Variants in PIGU observed in about 807,000 individuals in gnomAD.
PIGU encodes GPI-anchor transamidase component PIGU.
In PIGU, 24 loss-of-function variants were observed where a neutral mutation model predicts 49.9. The ratio of observed to expected loss-of-function variants is 0.48; its 90% confidence interval spans 0.35 to 0.68. The LOEUF (loss-of-function observed/expected upper bound fraction) is 0.68. Among genes scored for constraint, PIGU ranks in the 30% least tolerant of loss-of-function variants. The probability of loss-of-function intolerance (pLI) is 0.01; values close to 1 mark genes in which losing one functional copy is unlikely to be tolerated. For missense variants in PIGU, 490 were observed against 532.6 expected, an observed-to-expected ratio of 0.92 and a Z score of 0.79; for synonymous variants, 220 against 205.7, an observed-to-expected ratio of 1.07 and a Z score of -0.59.
At chr20:34,622,490 C>T (rs751969160) in intron 6 of PIGU, among the ~76,000 whole-genome samples, 2 of 151,848 alleles carry the variant, frequency 1.3e-5, no homozygotes, top group Non-Finnish European at 2.9e-5. Flanking sequence ...GCACTCCAGC[C>T]TGGGAGACAC....
At chr20:34,665,121 G>A (rs1431690858) in intron 1 of PIGU, among the ~76,000 whole-genome samples, 1 of 150,586 alleles carries the variant, frequency 6.6e-6, no homozygotes, top group Middle Eastern at 3.4e-3. Flanking sequence ...CACCTCCCGG[G>A]TTCAAGCAAT....
At chr20:34,607,882 C>T (rs1383046051) in intron 7 of PIGU, among the ~76,000 whole-genome samples, 3 of 152,164 alleles carry the variant, frequency 2.0e-5, no homozygotes, top group African/African-American at 7.2e-5. Flanking sequence ...TCCCTAAGTG[C>T]TGGGACTATA....
chr20:34,625,369 AAAAAAAAAAAAAAC>A (rs1985429858), intron 6 of PIGU, among the ~76,000 whole-genome samples: 1 of 114,862 alleles, frequency 8.7e-6, no homozygotes, highest in East Asian at 2.0e-4. Flanking sequence ...ACTCCATCTC[AAAAAAAAAAAAAAC>A]AAAAAAAAAA....
chr20:34,592,218 G>T (rs899161431), intron 7 of PIGU, among the ~76,000 whole-genome samples: 1 of 149,902 alleles, frequency 6.7e-6, no homozygotes, highest in Non-Finnish European at 1.5e-5. Flanking sequence ...ATTAAAGAAA[G>T]TTACTTTGGA....
At chr20:34,671,464 T>C (rs531709485) in intron 1 of PIGU, among the ~76,000 whole-genome samples, 29 of 152,094 alleles carry the variant, frequency 1.9e-4, no homozygotes, top group Admixed American at 9.8e-4. Context: ...GGTTTCTCCA[T>C]GTCGGTCAGG....
Position 34,672,978 on chromosome 20 carries a change from G to A in PIGU, c.130+3978C>T, listed in dbSNP as rs191280548. 5.3e-5 allele frequency among the ~76,000 whole-genome samples: 8 copies of A among 151,888 alleles called. No individual in the cohort carries two copies. The South Asian group carries it at 1.0e-3, about 20-fold the overall frequency. ...ATTCAAAAATTTAAAATGTCAGCCC[G>A]GCGTGGTGGCTCACGCCTGTCATCC... is the stretch of plus-strand genomic sequence containing the variant. On this transcript the variant is annotated intron_variant, in intron 1 of 11. Transcript: ENST00000217446.
intron 6 of PIGU, among the ~76,000 whole-genome samples, chr20:34,629,076 GC>G (rs975358234): frequency 5.9e-5 from 9 of 151,302 alleles, no homozygotes; most frequent in African/African-American, 2.2e-4. Flanking sequence ...GATTGCAGTG[GC>G]ACAGTCTCAG....
chr20:34,584,126 C>T (rs1568625950), intron 9 of PIGU, among the ~76,000 whole-genome samples: 1 of 152,176 alleles, frequency 6.6e-6, no homozygotes, highest in African/African-American at 2.4e-5. Flanking sequence ...AATCCCAGCT[C>T]CACTGCTTAC....
chr20:34,594,338 C>G (rs1236141124), intron 7 of PIGU, among the ~76,000 whole-genome samples: 2 of 152,154 alleles, frequency 1.3e-5, no homozygotes, highest in Non-Finnish European at 2.9e-5. Context: ...AATCTAAATT[C>G]CCACACACTG....
chr20:34,575,159 C>T lies in PIGU; in HGVS notation c.1139G>A (p.Gly380Glu). 6.2e-7 allele frequency: 1 copy of T among 1,614,150 alleles called. No individual in the cohort carries two copies. The highest frequency in any genetic ancestry group is 8.5e-7 in the Non-Finnish European group (1 of 1,180,012). ...PVLWHLWIYAGSANSNFFYAI... is the reference protein window; with the variant it reads ...PVLWHLWIYAESANSNFFYAI... ...ATAAAAGAAATTAGAGTTGGCACTT[C>T]CTGCATAAATCCAGAGGTGCCACAG... The change falls in exon 11 of 12, where the codon GGA becomes GAA. Residue 380 changes from glycine to glutamate, a missense_variant. Transcript: ENST00000217446.
chr20:34,607,597 T>C (rs1984664952), intron 7 of PIGU, among the ~76,000 whole-genome samples: 1 of 152,234 alleles, frequency 6.6e-6, no homozygotes, highest in South Asian at 2.1e-4. Flanking sequence ...AATTCATTTG[T>C]GCAACCTGAT....
chr20:34,668,013 A>C (rs1987156123), intron 1 of PIGU, among the ~76,000 whole-genome samples: 1 of 152,110 alleles, frequency 6.6e-6, no homozygotes. Flanking sequence ...AAAATCCATT[A>C]CCTCCGTCAA....
intron 11 of PIGU, chr20:34,562,632 G>A: frequency 8.3e-7 from 1 of 1,201,912 alleles, no homozygotes; most frequent in Non-Finnish European, 1.1e-6. Flanking sequence ...TTCAATGGTT[G>A]GCCTAAGGCT....
intron 1 of PIGU, among the ~76,000 whole-genome samples, chr20:34,662,396 C>CTT (rs34871084): frequency 0.37 from 49,009 of 131,058 alleles, 9,733 homozygotes; most frequent in Admixed American, 0.53. Flanking sequence ...AGCCCTTTGC[C>CTT]TTTTTTTTTT....
At chr20:34,598,537 A>G (rs1984288354) in intron 7 of PIGU, among the ~76,000 whole-genome samples, 1 of 152,242 alleles carries the variant, frequency 6.6e-6, no homozygotes, top group Non-Finnish European at 1.5e-5. Flanking sequence ...TAGCACACCT[A>G]AAGACATCTA....
rs6059950 is a variant in PIGU at position 34,620,558 on chromosome 20, T to C, written c.530-4419A>G. Among the ~76,000 whole-genome samples the C allele has an allele frequency of 6.8e-4, 104 of 152,192 alleles. 1 individual carries two copies. Among genetic ancestry groups the C allele is most frequent in the African/African-American group, 2.4e-3 (101 of 41,542 alleles). The stretch of plus-strand genomic sequence containing the variant: ...CAGGCGCGGTGGCTCATGCCTGTAA[T>C]CCCAGCACTTTGGGAGGCTGAGGCG... On this transcript the variant is annotated intron_variant, in intron 6 of 11. Coordinates refer to ENST00000217446, the MANE Select transcript of PIGU (RefSeq NM_080476.5).
At chr20:34,664,254 G>C (rs13036975) in intron 1 of PIGU, among the ~76,000 whole-genome samples, 6 of 152,112 alleles carry the variant, frequency 3.9e-5, no homozygotes, top group Non-Finnish European at 8.8e-5. Context: ...AGGCTCAAGT[G>C]ATCCTCCCAC....
intron 6 of PIGU, among the ~76,000 whole-genome samples, chr20:34,621,505 A>C (rs566474674): frequency 6.6e-6 from 1 of 152,238 alleles, no homozygotes; most frequent in East Asian, 1.9e-4. Context: ...AACAGTCAGT[A>C]GGTTGGTGTG....
In PIGU at chr20:34,659,955, T is replaced by G. The variant is rs1168817223; in HGVS notation, c.131-2711A>C. Among the ~76,000 whole-genome samples, 3 of 151,116 alleles carry G rather than the reference T, an allele frequency of 2.0e-5. No individual in the cohort carries two copies. In the East Asian group the frequency reaches 5.8e-4, roughly 29 times the overall value. On this transcript the variant is annotated intron_variant, in intron 1 of 11. Coordinates refer to ENST00000217446, the MANE Select transcript of PIGU (RefSeq NM_080476.5). ...CCTCTGCCTAGGAAAACCAGAGACC[T>G]TTGTTCACTTGTTTATCTGCTGACC...
Sources: allele counts gnomAD v4.1 joint callset (sites outside exome capture counted in the v4.1 genomes callset), GRCh38; gene constraint gnomAD v4.1.1; transcripts MANE v1.5; gene names NCBI Gene and HGNC (gene_info 2026-07-23, HGNC 2026-07-21).